Variants in CTIF observed in about 807,000 individuals in gnomAD.
CTIF encodes CBP80/20-dependent translation initiation factor.
A neutral mutation model predicts 66.0 loss-of-function variants in CTIF; 21 were observed. The ratio of observed to expected loss-of-function variants is 0.32; its 90% CI spans 0.23 to 0.46. The LOEUF (loss-of-function observed/expected upper bound fraction) is 0.46, where lower values mean the gene tolerates loss of function less well. Among genes scored for constraint, CTIF ranks in the 20% least tolerant of loss-of-function variants. The pLI is 1.00. For synonymous variants in CTIF, 345 were observed against 326.4 expected (o/e 1.06, Z -0.62); for missense variants, 739 against 812.7 (o/e 0.91, Z 1.10).
At chr18:48,648,739 C>G (rs2091100010) in intron 3 of CTIF, among the ~76,000 whole-genome samples, 1 of 152,168 alleles carries the variant, frequency 6.6e-6, no homozygotes, top group Non-Finnish European at 1.5e-5. Context: ...ATGTAAAAGC[C>G]CTCATAGTGT....
chr18:48,847,306 CA>C (rs34326780), intron 10 of CTIF, among the ~76,000 whole-genome samples: 27,569 of 83,864 alleles, frequency 0.33, 2,366 homozygotes, highest in South Asian at 0.43. Flanking sequence ...GACTCCGTCT[CA>C]AAAAAAAAAA....
intron 6 of CTIF, among the ~76,000 whole-genome samples, chr18:48,680,605 ACAGCCCG>A (rs1433945858): frequency 1.3e-5 from 2 of 152,252 alleles, no homozygotes; most frequent in African/African-American, 4.8e-5. Context: ...ATGGGGCCAC[ACAGCCCG>A]CAGCCTTGCC....
rs192778611 is a variant in CTIF at position 48,767,496 on chromosome 18, C to T, written c.1371+5807C>T. Among the ~76,000 whole-genome samples, 31 of 152,196 alleles carry T rather than the reference C, an allele frequency of 2.0e-4. No individual in the cohort carries two copies. In the South Asian group the frequency reaches 4.6e-3, roughly 22 times the overall value. On this transcript the variant is annotated intron_variant, in intron 9 of 11. Coordinates refer to ENST00000256413, the MANE Select transcript of CTIF (RefSeq NM_014772.3). Reference sequence around the variant, plus strand: ...TGTTTAGCCAAGAGGTGTCTGCATCCGAGCTATGCAGAGCAAAGTATTATT... The same window carrying T: ...TGTTTAGCCAAGAGGTGTCTGCATCTGAGCTATGCAGAGCAAAGTATTATT...
intron 9 of CTIF, among the ~76,000 whole-genome samples, chr18:48,781,554 C>T (rs1291597146): frequency 2.6e-5 from 4 of 152,104 alleles, no homozygotes; most frequent in Admixed American, 6.5e-5. Flanking sequence ...TGGCTGGAGC[C>T]GGGCGGTCTG....
At chr18:48,707,216 A>G (rs761879963) in intron 6 of CTIF, among the ~76,000 whole-genome samples, 8 of 152,232 alleles carry the variant, frequency 5.3e-5, no homozygotes, top group South Asian at 4.1e-4. Flanking sequence ...AGCAAAGTCC[A>G]CTGTATGTGC....
intron 9 of CTIF, among the ~76,000 whole-genome samples, chr18:48,791,615 C>T (rs555334279): frequency 2.8e-4 from 42 of 152,010 alleles, no homozygotes; most frequent in African/African-American, 9.6e-4. Flanking sequence ...TGCCCAGAGA[C>T]CCTGAGGGCC....
chr18:48,852,722 C>T (rs565590641), intron 10 of CTIF, among the ~76,000 whole-genome samples: 22 of 152,306 alleles, frequency 1.4e-4, no homozygotes, highest in Admixed American at 5.2e-4. Context: ...CAATCTTTTG[C>T]TCTAAAAATA....
intron 3 of CTIF, among the ~76,000 whole-genome samples, chr18:48,637,094 G>A (rs2090837042): frequency 6.6e-6 from 1 of 152,202 alleles, no homozygotes; most frequent in Non-Finnish European, 1.5e-5. Flanking sequence ...TGATGCTGGT[G>A]GGTGCTTTGG....
intron 6 of CTIF, among the ~76,000 whole-genome samples, chr18:48,695,074 G>A (rs985767714): frequency 1.6e-4 from 24 of 152,282 alleles, no homozygotes; most frequent in African/African-American, 5.5e-4. Flanking sequence ...GTACTGATCA[G>A]ATTCACATGA....
At position 48,681,572 on chromosome 18, in the gene CTIF, C is replaced by G. The variant is rs1231178267; in HGVS notation, c.507+10828C>G. Reference sequence around the variant, plus strand: ...CATTGCCTTGCTTAAAAATCCTTCACTGATTCTCAGGGCCTATGGAAAACC... The same window carrying G: ...CATTGCCTTGCTTAAAAATCCTTCAGTGATTCTCAGGGCCTATGGAAAACC... On this transcript the variant is annotated intron_variant, in intron 6 of 11. Transcript: ENST00000256413. 1.3e-5 allele frequency among the ~76,000 whole-genome samples: 2 copies of G among 152,188 alleles called. 1 individual carries two copies. The highest frequency in any genetic ancestry group is 4.1e-4 in the South Asian group (2 of 4,820).
intron 7 of CTIF, among the ~76,000 whole-genome samples, chr18:48,716,068 A>C (rs1235465413): frequency 6.6e-6 from 1 of 152,216 alleles, no homozygotes; most frequent in African/African-American, 2.4e-5. Context: ...TCTGCACAGC[A>C]CTTCCAGCAG....
intron 1 of CTIF, among the ~76,000 whole-genome samples, chr18:48,571,562 G>A (rs1431777016): frequency 6.6e-6 from 1 of 152,166 alleles, no homozygotes; most frequent in Non-Finnish European, 1.5e-5. Context: ...TTCTGAAAAT[G>A]CTATTTTGTA....
chr18:48,613,490 G>A (rs769277359), intron 1 of CTIF, among the ~76,000 whole-genome samples: 1 of 152,140 alleles, frequency 6.6e-6, no homozygotes, highest in African/African-American at 2.4e-5. Flanking sequence ...GAGTTTGTTT[G>A]CGTCTAGGGT....
rs187292108 is a variant in CTIF, at chr18:48,590,640, G to A, written c.-28-28898G>A. On this transcript the variant is annotated intron_variant, in intron 1 of 11. Transcript: ENST00000256413. ...ACCATGCTGCCCAGGAGGCCAGGCC[G>A]TTATCAGGGTGGGACTCCCTCCAGG... Among the ~76,000 whole-genome samples the A allele has an allele frequency of 1.6e-3, 249 of 152,304 alleles. 2 individuals carry two copies. Among genetic ancestry groups the A allele is most frequent in the African/African-American group, 4.9e-3 (202 of 41,570 alleles).
At chr18:48,732,126 T>A (rs2092461949) in intron 7 of CTIF, among the ~76,000 whole-genome samples, 1 of 152,116 alleles carries the variant, frequency 6.6e-6, no homozygotes, top group African/African-American at 2.4e-5. Context: ...AGCAGTGCAT[T>A]CACCTGGCCG....
chr18:48,633,888 C>T (rs1010922672), intron 2 of CTIF, among the ~76,000 whole-genome samples: 10 of 152,054 alleles, frequency 6.6e-5, no homozygotes, highest in South Asian at 2.1e-4. Flanking sequence ...CTCACCTTGC[C>T]GTAATATGAA....
intron 3 of CTIF, chr18:48,661,708 T>A (rs2091349990): frequency 6.6e-6 from 1 of 152,086 alleles, no homozygotes; most frequent in South Asian, 2.1e-4. Context: ...TGTAATTGAT[T>A]AGTGATATCT....
At chr18:48,751,208 C>T (rs527730528) in intron 7 of CTIF, among the ~76,000 whole-genome samples, 1 of 152,156 alleles carries the variant, frequency 6.6e-6, no homozygotes, top group Non-Finnish European at 1.5e-5. Context: ...CCAGGGCCTG[C>T]GTTTGGTTTA....
chr18:48,612,511 A>G (rs1041870704), intron 1 of CTIF, among the ~76,000 whole-genome samples: 20 of 152,228 alleles, frequency 1.3e-4, no homozygotes, highest in Non-Finnish European at 1.9e-4. Flanking sequence ...TCTGCCTATA[A>G]TAGTCACCAG....
Sources: allele counts gnomAD v4.1 joint callset (sites outside exome capture counted in the v4.1 genomes callset), GRCh38; gene constraint gnomAD v4.1.1; transcripts MANE v1.5; gene names NCBI Gene and HGNC (gene_info 2026-07-23, HGNC 2026-07-21).